GAS2: variants seen among roughly 807,000 people sequenced by gnomAD.
The protein encoded by GAS2 is growth arrest specific 2, also known as growth arrest-specific protein 2.
A neutral mutation model predicts 37.5 loss-of-function variants in GAS2; 20 were observed. That is an observed-to-expected ratio of 0.53 (90% confidence interval 0.37 to 0.77). The LOEUF is 0.77. Ranked by LOEUF, GAS2 falls within the 30% of genes least tolerant of loss-of-function variation. The probability of loss-of-function intolerance (pLI) is 0.00; values close to 1 mark genes in which losing one functional copy is unlikely to be tolerated. For missense variants in GAS2, 336 were observed against 373.4 expected, an observed-to-expected ratio of 0.90 and a Z score of 0.82; for synonymous variants, 144 against 132.2, an observed-to-expected ratio of 1.09 and a Z score of -0.61.
At chr11:22,739,406 A>T (rs1031676744) in intron 5 of GAS2, among the ~76,000 whole-genome samples, 1 of 151,568 alleles carries the variant, frequency 6.6e-6, no homozygotes, top group Non-Finnish European at 1.5e-5. Context: ...AACCCTGTCT[A>T]TACTAAAAAT....
intron 3 of GAS2, among the ~76,000 whole-genome samples, chr11:22,690,308 C>A (rs528751186): frequency 6.6e-6 from 1 of 152,138 alleles, no homozygotes; most frequent in African/African-American, 2.4e-5. Context: ...TCTTTTATAT[C>A]CAGCTTTGGT....
chr11:22,744,343 G>GT (rs1304660865), intron 5 of GAS2, among the ~76,000 whole-genome samples: 1 of 151,752 alleles, frequency 6.6e-6, no homozygotes, highest in East Asian at 1.9e-4. Context: ...AAGACACAAT[G>GT]AAAAAAGAAA....
chr11:22,679,535 T>C (rs1849579585), intron 2 of GAS2, among the ~76,000 whole-genome samples: 1 of 152,112 alleles, frequency 6.6e-6, no homozygotes, highest in Non-Finnish European at 1.5e-5. Flanking sequence ...ATTAGGCATA[T>C]TCTACTACTT....
At chr11:22,700,286 T>G (rs1318513191) in intron 3 of GAS2, among the ~76,000 whole-genome samples, 1 of 152,182 alleles carries the variant, frequency 6.6e-6, no homozygotes. Context: ...TACCTTTAGA[T>G]CCAGAATACT....
At chr11:22,653,896 C>T (rs1188110344) in intron 1 of GAS2, among the ~76,000 whole-genome samples, 1 of 152,204 alleles carries the variant, frequency 6.6e-6, no homozygotes, top group East Asian at 1.9e-4. Flanking sequence ...ATTCTACTCA[C>T]TCTTAGGGCC....
At chr11:22,760,623 C>T (rs1042335226) in intron 7 of GAS2, among the ~76,000 whole-genome samples, 2 of 151,954 alleles carry the variant, frequency 1.3e-5, no homozygotes, top group South Asian at 2.1e-4. Context: ...ATGCTTAAGA[C>T]GTCATTGTAA....
chr11:22,812,585 T>C lies in GAS2; in HGVS notation c.*569T>C, dbSNP rs1460090086. On this transcript the variant is annotated 3_prime_UTR_variant, in exon 8 of 8. Coordinates refer to ENST00000454584, the MANE Select transcript of GAS2 (RefSeq NM_001143830.3). ...TTTACATTCACTTGGAAGGCTGCCT[T>C]AAAGTATATCTCTTATCTATGACCA... is the stretch of plus-strand genomic sequence containing the variant. The C allele has an allele frequency of 6.5e-6, 1 of 153,310 alleles. No homozygotes were observed. The highest frequency in any genetic ancestry group is 1.5e-5 in the Non-Finnish European group (1 of 68,560). 9.5% of individuals were successfully genotyped at this position (153,310 alleles called of 1,614,324 possible). A position where few individuals can be genotyped will look rare whatever the true frequency, so the allele number is the denominator to read the frequency against.
At chr11:22,744,848 A>G (rs1382542598) in intron 5 of GAS2, among the ~76,000 whole-genome samples, 2 of 152,112 alleles carry the variant, frequency 1.3e-5, no homozygotes, top group African/African-American at 4.8e-5. Context: ...GCATCCAAAT[A>G]GGAAAAGAAG....
At chr11:22,734,081 A>G (rs1314213698) in intron 4 of GAS2, among the ~76,000 whole-genome samples, 1 of 151,784 alleles carries the variant, frequency 6.6e-6, no homozygotes, top group African/African-American at 2.4e-5. Flanking sequence ...CAAACACAGT[A>G]CAATGATAGT....
intron 1 of GAS2, among the ~76,000 whole-genome samples, chr11:22,644,264 G>C (rs1036797441): frequency 2.0e-5 from 3 of 152,096 alleles, no homozygotes; most frequent in African/African-American, 7.2e-5. Flanking sequence ...TATCATTAAT[G>C]TCAAGGAGCA....
intron 7 of GAS2, among the ~76,000 whole-genome samples, chr11:22,787,043 GA>G (rs1564888626): frequency 6.6e-6 from 1 of 152,032 alleles, no homozygotes; most frequent in East Asian, 1.9e-4. Context: ...TTCCCCACAT[GA>G]ATTCTTTTTC....
chr11:22,771,977 AATTT>A (rs1179630291), intron 7 of GAS2, among the ~76,000 whole-genome samples: 7 of 152,166 alleles, frequency 4.6e-5, no homozygotes, highest in Non-Finnish European at 4.4e-5. Flanking sequence ...AATATAATTT[AATTT>A]ATTATCCCCA....
At chr11:22,805,871 G>T (rs1856858991) in intron 7 of GAS2, among the ~76,000 whole-genome samples, 1 of 152,062 alleles carries the variant, frequency 6.6e-6, no homozygotes, top group South Asian at 2.1e-4. Flanking sequence ...TGTTGCCATG[G>T]CATCTGTAAA....
rs143751386 is a variant in GAS2 at position 22,681,239 on chromosome 11, G to A, written c.146-4429G>A. On this transcript the variant is annotated intron_variant, in intron 2 of 7. Transcript: ENST00000454584. Reference sequence around the variant, plus strand: ...AAAAGTTATGGCAAACATATTTCTGGGAGGAATACACTGATGTGTATGTGT... The same window carrying A: ...AAAAGTTATGGCAAACATATTTCTGAGAGGAATACACTGATGTGTATGTGT... Among the ~76,000 whole-genome samples the A allele has an allele frequency of 1.8e-3, 268 of 152,234 alleles. 2 individuals are homozygous for A. The highest frequency in any genetic ancestry group is 6.3e-3 in the African/African-American group (260 of 41,550).
intron 6 of GAS2, 72 bp from the exon 7 acceptor site, chr11:22,755,774 G>A: frequency 9.7e-7 from 1 of 1,032,514 alleles, no homozygotes; most frequent in Non-Finnish European, 1.5e-6. Flanking sequence ...AGGGGCCGTG[G>A]AGTCCTTGGA....
chr11:22,735,224 C>CTTTTTTTTTTTTTTT (rs397750049), intron 4 of GAS2, among the ~76,000 whole-genome samples: 1 of 109,206 alleles, frequency 9.2e-6, no homozygotes, highest in Non-Finnish European at 1.8e-5. Context: ...ACCAATCATT[C>CTTTTTTTTTTTTTTT]TTTTTTTTTT....
At chr11:22,648,834 T>A (rs1298046240) in intron 1 of GAS2, among the ~76,000 whole-genome samples, 1 of 152,222 alleles carries the variant, frequency 6.6e-6, no homozygotes, top group East Asian at 1.9e-4. Flanking sequence ...AATGGGGTTT[T>A]CTAGATATAC....
intron 5 of GAS2, among the ~76,000 whole-genome samples, chr11:22,747,108 C>T (rs78864598): frequency 0.014 from 2,096 of 152,246 alleles, 56 homozygotes; most frequent in African/African-American, 0.048. Context: ...ACATTTAATA[C>T]TTACATGCTT....
chr11:22,651,285 T>G (rs964750234), intron 1 of GAS2, among the ~76,000 whole-genome samples: 1 of 152,204 alleles, frequency 6.6e-6, no homozygotes, highest in African/African-American at 2.4e-5. Flanking sequence ...TGCTGAGAGA[T>G]CCGCTGTTAG....
Sources: allele counts gnomAD v4.1 joint callset (sites outside exome capture counted in the v4.1 genomes callset), GRCh38; gene constraint gnomAD v4.1.1; transcripts MANE v1.5; gene names NCBI Gene and HGNC (gene_info 2026-07-23, HGNC 2026-07-21).